Variants in RSRC1 observed in about 807,000 individuals in gnomAD.
RSRC1 encodes the protein arginine and serine rich coiled-coil 1.
In RSRC1, 39 loss-of-function variants were observed where a neutral mutation model predicts 49.1. The ratio of observed to expected loss-of-function variants is 0.79; its 90% CI spans 0.61 to 1.04. The LOEUF (loss-of-function observed/expected upper bound fraction) is 1.04. Among genes scored for constraint, RSRC1 ranks in the 50% least tolerant of loss-of-function variants. The probability of loss-of-function intolerance (pLI) is 0.00; values close to 1 mark genes in which losing one functional copy is unlikely to be tolerated. For synonymous variants in RSRC1, 143 were observed against 130.8 expected, an observed-to-expected ratio of 1.09 and a Z score of -0.63; for missense variants, 388 against 402.4, an observed-to-expected ratio of 0.96 and a Z score of 0.31.
intron 5 of RSRC1, among the ~76,000 whole-genome samples, chr3:158,312,329 G>GTAGA (rs1234301627): frequency 6.6e-6 from 1 of 152,066 alleles, no homozygotes; most frequent in Non-Finnish European, 1.5e-5. Flanking sequence ...CAGAGCATGA[G>GTAGA]TAGATCTTGG....
intron 6 of RSRC1, among the ~76,000 whole-genome samples, chr3:158,408,840 T>C (rs1333887029): frequency 6.6e-6 from 1 of 152,036 alleles, no homozygotes; most frequent in Non-Finnish European, 1.5e-5. Context: ...GAGACCAGCC[T>C]GGCCAACATG....
At chr3:158,229,715 CTTTAT>C (rs1722845810) in intron 4 of RSRC1, among the ~76,000 whole-genome samples, 1 of 151,766 alleles carries the variant, frequency 6.6e-6, no homozygotes, top group Admixed American at 6.6e-5. Flanking sequence ...TGTATATGCC[CTTTAT>C]CCAGACTCAT....
intron 5 of RSRC1, among the ~76,000 whole-genome samples, chr3:158,311,059 G>A (rs1159455759): frequency 6.6e-6 from 1 of 151,794 alleles, no homozygotes; most frequent in African/African-American, 2.4e-5. Flanking sequence ...ACACGTGCTT[G>A]CTTTTGTCAG....
chr3:158,464,629 A>G (rs1315175885), intron 7 of RSRC1, among the ~76,000 whole-genome samples: 1 of 152,158 alleles, frequency 6.6e-6, no homozygotes, highest in Non-Finnish European at 1.5e-5. Flanking sequence ...CAAGAAGTAA[A>G]ATATATTAGC....
At chr3:158,536,545 T>TA (rs1712722258) in intron 7 of RSRC1, among the ~76,000 whole-genome samples, 1 of 151,564 alleles carries the variant, frequency 6.6e-6, no homozygotes, top group African/African-American at 2.4e-5. Flanking sequence ...GAATTATTGA[T>TA]AATATTTTTA....
intron 6 of RSRC1, among the ~76,000 whole-genome samples, chr3:158,359,812 T>C (rs921496057): frequency 3.9e-5 from 6 of 152,170 alleles, no homozygotes; most frequent in African/African-American, 1.4e-4. Context: ...CCTGAGTTCT[T>C]GTCCTGCAAC....
At chr3:158,493,604 G>A (rs1739186492) in intron 7 of RSRC1, among the ~76,000 whole-genome samples, 1 of 152,068 alleles carries the variant, frequency 6.6e-6, no homozygotes, top group African/African-American at 2.4e-5. Context: ...CACATATCAA[G>A]CACCCCTCAA....
In RSRC1 at chr3:158,440,366, C is replaced by T. The variant is rs562228240; in HGVS notation, c.584-20569C>T. Among the ~76,000 whole-genome samples the T allele has an allele frequency of 2.4e-4, 37 of 152,084 alleles. No individual in the cohort carries two copies. The South Asian group carries it at 2.9e-3, about 12-fold the overall frequency. The stretch of plus-strand genomic sequence containing the variant: ...TTGCTTCTAATGAACCTGCATTGCA[C>T]AGATGATGCTGTTCCAAGTCAATAC... On this transcript the variant is annotated intron_variant, in intron 6 of 9. Coordinates refer to ENST00000611884, the MANE Select transcript of RSRC1 (RefSeq NM_001271838.2).
At chr3:158,222,037 G>A (rs1722250422) in intron 4 of RSRC1, among the ~76,000 whole-genome samples, 1 of 151,386 alleles carries the variant, frequency 6.6e-6, no homozygotes, top group South Asian at 2.1e-4. Flanking sequence ...AAAAGCCATT[G>A]CCATTTTTAG....
intron 4 of RSRC1, among the ~76,000 whole-genome samples, chr3:158,282,633 A>G (rs545806184): frequency 6.6e-6 from 1 of 152,302 alleles, no homozygotes; most frequent in South Asian, 2.1e-4. Context: ...GTCAGGAAGG[A>G]CTGTAAGTTT....
chr3:158,315,998 C>A (rs535870684), intron 5 of RSRC1, among the ~76,000 whole-genome samples: 172 of 151,984 alleles, frequency 1.1e-3, no homozygotes, highest in African/African-American at 4.1e-3. Context: ...ATGGTGAAAC[C>A]CCGTCTCCAC....
Position 158,474,930 on chromosome 3 carries a change from G to A in RSRC1, c.652+13927G>A, listed in dbSNP as rs552043319. 2.2e-4 allele frequency among the ~76,000 whole-genome samples: 33 copies of A among 152,048 alleles called. No individual in the cohort carries two copies. The South Asian group carries it at 4.2e-3, about 19-fold the overall frequency. On this transcript the variant is annotated intron_variant, in intron 7 of 9. Coordinates refer to ENST00000611884, the MANE Select transcript of RSRC1 (RefSeq NM_001271838.2). ...GTTGTTTTGGAGGGGAGACGGGGGT[G>A]GTTGAGATAGGGTCTTGCTTAGTTG... is the stretch of plus-strand genomic sequence containing the variant.
At chr3:158,202,832 A>G (rs897705091) in intron 3 of RSRC1, among the ~76,000 whole-genome samples, 5 of 151,980 alleles carry the variant, frequency 3.3e-5, no homozygotes, top group African/African-American at 1.2e-4. Flanking sequence ...TGAACCTTTA[A>G]GGCAAACACT....
intron 3 of RSRC1, among the ~76,000 whole-genome samples, chr3:158,167,041 T>A (rs1289684371): frequency 6.6e-6 from 1 of 152,200 alleles, no homozygotes; most frequent in Non-Finnish European, 1.5e-5. Flanking sequence ...TTCCCTTTTT[T>A]TTGTAGTCAG....
chr3:158,185,893 A>G (rs1385419828), intron 3 of RSRC1, among the ~76,000 whole-genome samples: 1 of 152,028 alleles, frequency 6.6e-6, no homozygotes, highest in Non-Finnish European at 1.5e-5. Flanking sequence ...CATTTCCTTT[A>G]GAACAATGAA....
intron 7 of RSRC1, among the ~76,000 whole-genome samples, chr3:158,464,106 A>C (rs1737755641): frequency 6.6e-6 from 1 of 152,134 alleles, no homozygotes; most frequent in Admixed American, 6.6e-5. Context: ...CTTTGACTTA[A>C]TAAATAATTG....
intron 6 of RSRC1, among the ~76,000 whole-genome samples, chr3:158,378,415 T>A (rs958625999): frequency 6.6e-6 from 1 of 152,246 alleles, no homozygotes; most frequent in Non-Finnish European, 1.5e-5. Flanking sequence ...TGAATGATTA[T>A]TTGATTGTAT....
At chr3:158,306,988 T>A (rs76222506) in intron 5 of RSRC1, among the ~76,000 whole-genome samples, 1 of 634 alleles carries the variant, frequency 1.6e-3, no homozygotes, top group African/African-American at 0.05. Flanking sequence ...ATCAAAGTTA[T>A]TTTTTTTTTA....
chr3:158,219,549 T>G (rs1424774282), intron 4 of RSRC1, among the ~76,000 whole-genome samples: 1 of 151,674 alleles, frequency 6.6e-6, no homozygotes, highest in African/African-American at 2.4e-5. Flanking sequence ...AAATTCCCTT[T>G]CCTTTTGGGA....
Sources: allele counts gnomAD v4.1 joint callset (sites outside exome capture counted in the v4.1 genomes callset), GRCh38; gene constraint gnomAD v4.1.1; transcripts MANE v1.5; gene names NCBI Gene and HGNC (gene_info 2026-07-23, HGNC 2026-07-21).